The following SQOR variants were observed in gnomAD, a reference collection of about 807,000 sequenced individuals.
The protein encoded by SQOR is sulfide:quinone oxidoreductase, mitochondrial.
In SQOR, 39 loss-of-function variants were observed where a neutral mutation model predicts 48.6. That is an observed-to-expected ratio of 0.80 (90% CI 0.62 to 1.05). The LOEUF is 1.05. Among genes scored for constraint, SQOR ranks in the 50% least tolerant of loss-of-function variants. The pLI is 0.00. For synonymous variants in SQOR, 220 were observed against 206.2 expected, an observed-to-expected ratio of 1.07 and a Z score of -0.57; for missense variants, 561 against 559.9, an observed-to-expected ratio of 1.00 and a Z score of -0.02.
At chr15:45,682,364 T>A (rs1890138324) in intron 6 of SQOR, 114 bp from the exon 7 acceptor site, 1 of 1,097,228 alleles carries the variant, frequency 9.1e-7, no homozygotes. Context: ...GCTGATTGTA[T>A]AATGCTCCAT....
At chr15:45,658,325 C>G (rs72715082) in intron 1 of SQOR, among the ~76,000 whole-genome samples, 13,202 of 152,228 alleles carry the variant, frequency 0.087, 713 homozygotes, top group Middle Eastern at 0.22. Context: ...CCTGGGCAAG[C>G]AGAGCCAGGA....
chr15:45,673,054 C>T (rs1044615277), intron 4 of SQOR, among the ~76,000 whole-genome samples: 3 of 152,310 alleles, frequency 2.0e-5, no homozygotes, highest in East Asian at 1.9e-4. Flanking sequence ...ACTTGGAGAC[C>T]TACTGGCTTA....
chr15:45,632,305 C>T (rs1053531702), upstream of SQOR, among the ~76,000 whole-genome samples: 12 of 151,450 alleles, frequency 7.9e-5, no homozygotes, highest in African/African-American at 2.9e-4. Flanking sequence ...CTGCAACCTC[C>T]GCCTGCTGGG....
In SQOR at chr15:45,655,798, C is replaced by T. The variant is rs539191679; in HGVS notation, c.-17-3109C>T. Among the ~76,000 whole-genome samples the T allele has an allele frequency of 1.3e-5, 2 of 151,810 alleles. 1 individual carries two copies. Among genetic ancestry groups the T allele is most frequent in the Middle Eastern group, 6.9e-3 (2 of 288 alleles). ...TCACGGGTTCAAGTGATTCCCCTGCCTCAGCCTCCCCAGTAGCTGGGACTA... is the reference window on the plus strand; with the variant it reads ...TCACGGGTTCAAGTGATTCCCCTGCTTCAGCCTCCCCAGTAGCTGGGACTA... On this transcript the variant is annotated intron_variant, in intron 1 of 9. Transcript: ENST00000260324.
At chr15:45,658,256 A>G (rs1338494187) in intron 1 of SQOR, among the ~76,000 whole-genome samples, 1 of 152,030 alleles carries the variant, frequency 6.6e-6, no homozygotes, top group African/African-American at 2.4e-5. Context: ...AAATTGCTAG[A>G]GGTGTGGAGG....
rs772488811 is a variant in SQOR at position 45,676,245 on chromosome 15, C to T, written c.799C>T (p.Arg267Ter). The T allele has an allele frequency of 2.7e-5, 43 of 1,603,696 alleles. No individual in the cohort carries two copies. The highest frequency in any genetic ancestry group is 8.1e-5 in the African/African-American group (6 of 74,362). ...VNYKKNLIEV[R>*]ADKQEAVFEN... ...CTACAAGAAAAACCTCATTGAAGTCCGAGCCGATAAACAAGAGGCTGTATT... is the reference window on the plus strand; with the variant it reads ...CTACAAGAAAAACCTCATTGAAGTCTGAGCCGATAAACAAGAGGCTGTATT... Residue 267 changes from arginine (R) to a stop codon, truncating the protein, a stop_gained, in exon 6 of 10, where the codon CGA becomes TGA. Transcript: ENST00000260324. LOFTEE classifies it high-confidence loss of function.
chr15:45,646,989 A>C (rs1490722404), intron 1 of SQOR, among the ~76,000 whole-genome samples: 1 of 152,198 alleles, frequency 6.6e-6, no homozygotes, highest in Non-Finnish European at 1.5e-5. Flanking sequence ...TTATTTAGTA[A>C]GCTAAAATTT....
At chr15:45,683,877 T>C (rs1046208853) in intron 7 of SQOR, among the ~76,000 whole-genome samples, 1 of 141,664 alleles carries the variant, frequency 7.1e-6, no homozygotes, top group African/African-American at 2.7e-5. Flanking sequence ...TGTGTGTACA[T>C]ATATATATAT....
chr15:45,661,272 T>C (rs1470414789), intron 2 of SQOR, among the ~76,000 whole-genome samples: 33 of 101,808 alleles, frequency 3.2e-4, no homozygotes, highest in African/African-American at 1.0e-3. Context: ...ATTGGGGTGA[T>C]TGGGCGAGAC....
intron 8 of SQOR, 83 bp from the exon 9 acceptor site, chr15:45,688,956 A>C (rs1028889125): frequency 8.8e-7 from 1 of 1,138,678 alleles, no homozygotes; most frequent in Non-Finnish European, 1.2e-6. Context: ...ATAAGCACTC[A>C]CAGCAAATAA....
chr15:45,672,750 T>C (rs1889967218), intron 4 of SQOR, among the ~76,000 whole-genome samples: 1 of 152,246 alleles, frequency 6.6e-6, no homozygotes, highest in South Asian at 2.1e-4. Context: ...TTATTGGCAA[T>C]AATCAGCTAA....
At chr15:45,656,692 C>T (rs1889617490) in intron 1 of SQOR, among the ~76,000 whole-genome samples, 1 of 152,146 alleles carries the variant, frequency 6.6e-6, no homozygotes, top group Non-Finnish European at 1.5e-5. Flanking sequence ...AACCACTTGC[C>T]AGTGTTAAAA....
intron 1 of SQOR, among the ~76,000 whole-genome samples, chr15:45,656,774 C>G (rs527352265): frequency 5.9e-5 from 9 of 152,058 alleles, no homozygotes; most frequent in Non-Finnish European, 1.2e-4. Flanking sequence ...AATTTGTATC[C>G]TGATCATGAT....
chr15:45,655,867 A>G (rs1236097239), intron 1 of SQOR, among the ~76,000 whole-genome samples: 2 of 151,614 alleles, frequency 1.3e-5, no homozygotes, highest in African/African-American at 4.9e-5. Context: ...TTTGTATTTT[A>G]GTAGAGACGG....
intron 6 of SQOR, 22 bp from the exon 7 acceptor site, chr15:45,682,456 T>C (rs1890140341): frequency 6.2e-7 from 1 of 1,612,406 alleles, no homozygotes. Context: ...AATGAAAATG[T>C]GGATTCTCTC....
At chr15:45,640,329 T>C (rs1895083433) in intron 1 of SQOR, among the ~76,000 whole-genome samples, 1 of 152,136 alleles carries the variant, frequency 6.6e-6, no homozygotes, top group Non-Finnish European at 1.5e-5. Context: ...TGCCACCCAA[T>C]CTGATCCTTT....
At chr15:45,664,963 T>C (rs559350200) in intron 3 of SQOR, among the ~76,000 whole-genome samples, 1 of 152,246 alleles carries the variant, frequency 6.6e-6, no homozygotes, top group Admixed American at 6.5e-5. Flanking sequence ...AGGTTGAGCT[T>C]GGTGGCTCTC....
intron 1 of SQOR, among the ~76,000 whole-genome samples, chr15:45,646,621 GCAA>G (rs1291607780): frequency 6.6e-6 from 1 of 152,160 alleles, no homozygotes. Context: ...TGACTAAAGA[GCAA>G]AACCAGTGTT....
At chr15:45,690,900 T>C in intron 9 of SQOR, 73 bp from the exon 10 acceptor site, 2 of 1,356,368 alleles carry the variant, frequency 1.5e-6, no homozygotes, top group Non-Finnish European at 2.1e-6. Flanking sequence ...TGGCTTCCCT[T>C]TCAGCATCCT....
Sources: gnomAD v4.1 joint callset for allele counts (sites outside exome capture counted in the v4.1 genomes callset) on GRCh38, gnomAD v4.1.1 for gene constraint, MANE v1.5 for transcripts, NCBI Gene and HGNC (gene_info 2026-07-23, HGNC 2026-07-21) for gene names.